ANKRD17: variants seen among roughly 807,000 people sequenced by gnomAD.
ANKRD17 encodes ankyrin repeat domain-containing protein 17.
A neutral mutation model predicts 229.7 loss-of-function variants in ANKRD17; 19 were observed. The ratio of observed to expected loss-of-function variants is 0.08; its 90% CI spans 0.06 to 0.12. The LOEUF (loss-of-function observed/expected upper bound fraction) is 0.12, where lower values mean the gene tolerates loss of function less well. ANKRD17 is among the 10% of genes least tolerant of loss of function. The probability of loss-of-function intolerance (pLI) is 1.00; values close to 1 mark genes in which losing one functional copy is unlikely to be tolerated. For missense variants in ANKRD17, 2,176 were observed against 3,176.8 expected (o/e 0.68, Z 7.57); for synonymous variants, 1,112 against 1,146.1 (o/e 0.97, Z 0.60).
At chr4:73,093,837 T>G (rs1425596280) in intron 28 of ANKRD17, among the ~76,000 whole-genome samples, 2 of 152,236 alleles carry the variant, frequency 1.3e-5, no homozygotes, top group Non-Finnish European at 2.9e-5. Flanking sequence ...AGAAATTATT[T>G]ATTTAAACCT....
At chr4:73,171,391 T>G (rs987327267) in intron 2 of ANKRD17, among the ~76,000 whole-genome samples, 1 of 152,146 alleles carries the variant, frequency 6.6e-6, no homozygotes, top group African/African-American at 2.4e-5. Context: ...AGACATGGCT[T>G]AGATCACAAT....
chr4:73,094,280 T>G (rs1560508219), intron 27 of ANKRD17, 52 bp from the exon 28 acceptor site: 5 of 1,503,434 alleles, frequency 3.3e-6, no homozygotes, highest in Non-Finnish European at 4.6e-6. Context: ...CAATAGTTAT[T>G]GTAATTTTTA....
At chr4:73,204,949 A>G (rs994203321) in intron 1 of ANKRD17, among the ~76,000 whole-genome samples, 2 of 152,184 alleles carry the variant, frequency 1.3e-5, no homozygotes, top group Non-Finnish European at 2.9e-5. Context: ...AATACTCACA[A>G]AAGAATGGCC....
chr4:73,193,118 A>C (rs1168777402), intron 1 of ANKRD17, among the ~76,000 whole-genome samples: 1 of 152,200 alleles, frequency 6.6e-6, no homozygotes, highest in Non-Finnish European at 1.5e-5. Flanking sequence ...TCTAACAATC[A>C]TGACTTTTCT....
intron 1 of ANKRD17, among the ~76,000 whole-genome samples, chr4:73,216,206 T>G (rs1212089614): frequency 1.3e-5 from 2 of 152,174 alleles, no homozygotes; most frequent in Non-Finnish European, 2.9e-5. Context: ...TTTTGGAAAA[T>G]AATTATTTTT....
At chr4:73,186,435 C>T (rs1281795362) in intron 1 of ANKRD17, among the ~76,000 whole-genome samples, 1 of 151,994 alleles carries the variant, frequency 6.6e-6, no homozygotes, top group South Asian at 2.1e-4. Flanking sequence ...CTAAAGTGAA[C>T]CTCATTAAAG....
At chr4:73,233,791 G>C (rs1376056428) in intron 1 of ANKRD17, among the ~76,000 whole-genome samples, 3 of 152,070 alleles carry the variant, frequency 2.0e-5, no homozygotes, top group African/African-American at 7.2e-5. Flanking sequence ...AAAATCTATT[G>C]TCTCTCAAAC....
chr4:73,211,936 A>G (rs539164699), intron 1 of ANKRD17, among the ~76,000 whole-genome samples: 1 of 152,230 alleles, frequency 6.6e-6, no homozygotes, highest in South Asian at 2.1e-4. Flanking sequence ...TAAATTTTAG[A>G]GATTAAAAAA....
intron 1 of ANKRD17, among the ~76,000 whole-genome samples, chr4:73,230,001 A>G (rs1742893759): frequency 6.6e-6 from 1 of 152,128 alleles, no homozygotes; most frequent in Non-Finnish European, 1.5e-5. Flanking sequence ...CCACACATAA[A>G]CAATTTTTAT....
chr4:73,125,154 A>C (rs1389496928), intron 17 of ANKRD17, 47 bp downstream of exon 17: 2 of 1,591,028 alleles, frequency 1.3e-6, no homozygotes, highest in South Asian at 1.1e-5. Flanking sequence ...TTCCTAAATA[A>C]ATTTTTTGAC....
intron 1 of ANKRD17, among the ~76,000 whole-genome samples, chr4:73,224,231 G>A (rs1038710619): frequency 2.0e-5 from 3 of 152,134 alleles, no homozygotes; most frequent in South Asian, 2.1e-4. Flanking sequence ...GCAACAGAGC[G>A]AGACTGTCTC....
chr4:73,109,409 T>C (rs1725031806), intron 24 of ANKRD17, among the ~76,000 whole-genome samples: 1 of 152,146 alleles, frequency 6.6e-6, no homozygotes, highest in Admixed American at 6.5e-5. Flanking sequence ...CTTTTGATGC[T>C]TCCATTTTCT....
At chr4:73,208,723 A>C (rs1019976633) in intron 1 of ANKRD17, among the ~76,000 whole-genome samples, 5 of 152,212 alleles carry the variant, frequency 3.3e-5, no homozygotes, top group Non-Finnish European at 5.9e-5. Flanking sequence ...AAATGCTAAT[A>C]AAAATAAAAG....
intron 1 of ANKRD17, among the ~76,000 whole-genome samples, chr4:73,213,386 A>G (rs1740581631): frequency 6.6e-6 from 1 of 152,206 alleles, no homozygotes; most frequent in African/African-American, 2.4e-5. Context: ...AGCAAGAAAA[A>G]GAAATCATGA....
chr4:73,097,221 T>G lies in ANKRD17; in HGVS notation c.5073A>C (p.Thr1691=), dbSNP rs778594048. The change falls in exon 27 of 34, where the codon ACA becomes ACC. Residue 1691 remains threonine, a synonymous_variant. Transcript: ENST00000358602. ...EGTSNSLSTC[T]KSGPSPLSSP... is the part of the protein sequence containing the mutation. ...AAGAAAGGGGAGATGGACCAGATTTTGTACAAGTAGATAGAGAATTACTGG... is the reference window on the plus strand; with the variant it reads ...AAGAAAGGGGAGATGGACCAGATTTGGTACAAGTAGATAGAGAATTACTGG... 6.2e-7 allele frequency: 1 copy of G among 1,609,756 alleles called. No individual in the cohort carries two copies.
At position 73,142,231 on chromosome 4, in the gene ANKRD17, T is replaced by A. The variant is rs779110023; in HGVS notation, c.2229+11A>T. On this transcript the variant is annotated intron_variant, in intron 13 of 33. Transcript: ENST00000358602. ...ACATACCATAAAATGCTTTAATTTTTAAAATCTTACCCTATTTAAATCGTG... is the reference window on the plus strand; with the variant it reads ...ACATACCATAAAATGCTTTAATTTTAAAAATCTTACCCTATTTAAATCGTG... 1.4e-5 allele frequency: 22 copies of A among 1,530,024 alleles called. 2 individuals are homozygous for A. Among genetic ancestry groups the A allele is most frequent in the South Asian group, 1.3e-4 (10 of 77,606 alleles). The allele number at this position is 1,530,024 out of a possible 1,614,324, so 94.8% of individuals were successfully genotyped here. A position where few individuals can be genotyped will look rare whatever the true frequency, so the allele number is the denominator to read the frequency against.
At chr4:73,162,560 A>G (rs1237375585) in intron 2 of ANKRD17, among the ~76,000 whole-genome samples, 2 of 152,160 alleles carry the variant, frequency 1.3e-5, no homozygotes, top group East Asian at 3.9e-4. Context: ...TGGCCTAAAA[A>G]GGCATTCTAG....
chr4:73,195,932 G>A (rs1260749290), intron 1 of ANKRD17, among the ~76,000 whole-genome samples: 3 of 151,088 alleles, frequency 2.0e-5, no homozygotes, highest in African/African-American at 7.3e-5. Flanking sequence ...TTAATAATTT[G>A]TATGTTCTCT....
Position 73,161,296 on chromosome 4 carries a change from T to G in ANKRD17, c.600A>C (p.Val200=), listed in dbSNP as rs949634101. 3 of 1,614,120 alleles carry G rather than the reference T, an allele frequency of 1.9e-6. No homozygotes were observed. The highest frequency in any genetic ancestry group is 2.7e-5 in the African/African-American group (2 of 74,936). Residue 200 remains valine, a synonymous_variant, in exon 3 of 34, where the codon GTA becomes GTC. Transcript: ENST00000358602. ...TAACAGACGATGTCAACCTCCGAAG[T>G]ACTTCAGGATCTGCAAAGGCTTTAC... ...ADGKAFADPE[V]LRRLTSSVSC...
Sources: gnomAD v4.1 joint callset for allele counts (sites outside exome capture counted in the v4.1 genomes callset) on GRCh38, gnomAD v4.1.1 for gene constraint, MANE v1.5 for transcripts, NCBI Gene and HGNC (gene_info 2026-07-23, HGNC 2026-07-21) for gene names.